The following WWOX variants were observed in gnomAD, a reference collection of about 807,000 sequenced individuals.
WWOX encodes the protein WW domain-containing oxidoreductase.
In WWOX, 69 loss-of-function variants were observed where a neutral mutation model predicts 46.2. That is an observed-to-expected ratio of 1.49 (90% CI 1.23 to 1.82). The LOEUF is 1.82. Among genes scored for constraint, WWOX ranks in the 40% most tolerant of loss-of-function variants. WWOX has a pLI of 0.00. For missense variants in WWOX, 919 were observed against 542.6 expected (o/e 1.69, Z -6.89); for synonymous variants, 359 against 202.6 (o/e 1.77, Z -6.56).
intron 8 of WWOX, among the ~76,000 whole-genome samples, chr16:78,971,541 C>A (rs1283293423): frequency 6.6e-6 from 1 of 151,250 alleles, no homozygotes; most frequent in Non-Finnish European, 1.5e-5. Flanking sequence ...GAGAATGGAG[C>A]ACTCTAATGG....
At chr16:78,968,571 A>T (rs907053547) in intron 8 of WWOX, among the ~76,000 whole-genome samples, 1 of 152,154 alleles carries the variant, frequency 6.6e-6, no homozygotes, top group Non-Finnish European at 1.5e-5. Flanking sequence ...GTAAACTTTG[A>T]CCTCAGAGCA....
At chr16:78,883,375 C>A (rs577856776) in intron 8 of WWOX, among the ~76,000 whole-genome samples, 2 of 152,092 alleles carry the variant, frequency 1.3e-5, no homozygotes, top group African/African-American at 4.8e-5. Flanking sequence ...GTGGGAAACT[C>A]GTGAAATCCT....
chr16:78,528,975 G>T (rs2043553347), intron 8 of WWOX, among the ~76,000 whole-genome samples: 1 of 147,072 alleles, frequency 6.8e-6, no homozygotes, highest in South Asian at 2.2e-4. Flanking sequence ...TTTTTTTTAG[G>T]GAGGGTCTGG....
At chr16:78,189,487 A>G (rs1414985331) in intron 5 of WWOX, among the ~76,000 whole-genome samples, 9 of 152,192 alleles carry the variant, frequency 5.9e-5, no homozygotes, top group Admixed American at 4.6e-4. Flanking sequence ...CCACCTTCAG[A>G]GACAACTGAA....
chr16:78,859,569 C>T (rs1246451423), intron 8 of WWOX, among the ~76,000 whole-genome samples: 1 of 152,138 alleles, frequency 6.6e-6, no homozygotes, highest in Non-Finnish European at 1.5e-5. Context: ...TTTTTCCTGT[C>T]ATTATGGATT....
rs1392006322 is a variant in WWOX, at chr16:78,109,755, G to A, written c.173-23G>A. 3 of 1,613,908 alleles carry A rather than the reference G, an allele frequency of 1.9e-6. No homozygotes were observed. The African/African-American group carries it at 4.0e-5, about 22-fold the overall frequency. On this transcript the variant is annotated intron_variant, in intron 2 of 8. Coordinates refer to ENST00000566780, the MANE Select transcript of WWOX (RefSeq NM_016373.4). ...TCTTTACTTCTCCCTGGCACCTGTA[G>A]ACCTGTCTTTCTTGTGTTTCAGATT... is the stretch of plus-strand genomic sequence containing the variant.
At chr16:78,419,549 G>C (rs2082874477) in intron 6 of WWOX, among the ~76,000 whole-genome samples, 1 of 144,124 alleles carries the variant, frequency 6.9e-6, no homozygotes, top group Non-Finnish European at 1.5e-5. Context: ...CAACAGTGAT[G>C]CTAGAACCAC....
chr16:79,013,882 C>T (rs965913645), intron 8 of WWOX, among the ~76,000 whole-genome samples: 1 of 152,160 alleles, frequency 6.6e-6, no homozygotes, highest in Non-Finnish European at 1.5e-5. Flanking sequence ...TTTGTAATCA[C>T]ATATTTTTCA....
chr16:78,199,595 A>G (rs1228746747), intron 5 of WWOX, among the ~76,000 whole-genome samples: 1 of 152,160 alleles, frequency 6.6e-6, no homozygotes, highest in Non-Finnish European at 1.5e-5. Context: ...GTGGCATGCC[A>G]TTCGCTCACT....
intron 8 of WWOX, among the ~76,000 whole-genome samples, chr16:78,710,289 G>A (rs187134633): frequency 2.2e-4 from 33 of 151,354 alleles, no homozygotes; most frequent in South Asian, 4.2e-4. Flanking sequence ...GTTAACTGCA[G>A]GGAGATTTGT....
intron 8 of WWOX, among the ~76,000 whole-genome samples, chr16:78,937,448 C>CTTTTTTTTTTTTTTTTTT (rs537642648): frequency 2.4e-5 from 2 of 81,994 alleles, no homozygotes; most frequent in African/African-American, 1.0e-4. Context: ...TTTGTATTAA[C>CTTTTTTTTTTTTTTTTTT]TTTTTTTTTT....
At chr16:78,883,417 A>G (rs889361801) in intron 8 of WWOX, among the ~76,000 whole-genome samples, 2 of 152,192 alleles carry the variant, frequency 1.3e-5, no homozygotes, top group Admixed American at 6.5e-5. Flanking sequence ...TAATAGTAAC[A>G]TACCATTTTC....
At chr16:78,520,601 G>A (rs1464195101) in intron 8 of WWOX, among the ~76,000 whole-genome samples, 4 of 151,280 alleles carry the variant, frequency 2.6e-5, no homozygotes, top group Non-Finnish European at 5.9e-5. Flanking sequence ...AGGCTGCTGG[G>A]ACTCACTCTA....
intron 7 of WWOX, among the ~76,000 whole-genome samples, chr16:78,431,695 T>TC: frequency 6.6e-6 from 1 of 151,264 alleles, no homozygotes; most frequent in Non-Finnish European, 1.5e-5. Flanking sequence ...CCAATCCTTT[T>TC]TTTTTTTTTA....
chr16:78,856,633 A>G (rs1007832274), intron 8 of WWOX, among the ~76,000 whole-genome samples: 1 of 152,002 alleles, frequency 6.6e-6, no homozygotes, highest in African/African-American at 2.4e-5. Flanking sequence ...ACAGAGCAAG[A>G]CTCTGTCTCA....
intron 8 of WWOX, among the ~76,000 whole-genome samples, chr16:79,126,366 C>T (rs1005540863): frequency 2.6e-5 from 4 of 152,094 alleles, no homozygotes; most frequent in African/African-American, 9.7e-5. Context: ...TTGTAATCCC[C>T]ACGTGTCAAA....
intron 8 of WWOX, among the ~76,000 whole-genome samples, chr16:79,158,790 C>G (rs1400569256): frequency 2.6e-5 from 4 of 152,204 alleles, no homozygotes; most frequent in Non-Finnish European, 5.9e-5. Context: ...CAGCACTGTG[C>G]TTCTCACTCT....
intron 1 of WWOX, among the ~76,000 whole-genome samples, chr16:78,103,242 GTTTTTTTT>G (rs74264852): frequency 0.44 from 62,040 of 142,402 alleles, 14,195 homozygotes; most frequent in East Asian, 0.63. Flanking sequence ...TGGCTCCGCT[GTTTTTTTT>G]TTTTTTTTTT....
chr16:79,050,995 C>A (rs1297546841), intron 8 of WWOX, among the ~76,000 whole-genome samples: 1 of 152,174 alleles, frequency 6.6e-6, no homozygotes, highest in South Asian at 2.1e-4. Context: ...AGACACTGAC[C>A]CAAATCACAC....
Sources: gnomAD v4.1 joint callset for allele counts (sites outside exome capture counted in the v4.1 genomes callset) on GRCh38, gnomAD v4.1.1 for gene constraint, MANE v1.5 for transcripts, NCBI Gene and HGNC (gene_info 2026-07-23, HGNC 2026-07-21) for gene names.